Variants in EXOC6 observed in about 807,000 individuals in gnomAD.
EXOC6 encodes the protein exocyst complex component 6, also known as SEC15-like 1.
In EXOC6, 60 loss-of-function variants were observed where a neutral mutation model predicts 112.5. That is an observed-to-expected ratio of 0.53 (90% CI 0.43 to 0.66). The LOEUF is 0.66. Among genes scored for constraint, EXOC6 ranks in the 30% least tolerant of loss-of-function variants. The pLI is 0.00. For missense variants in EXOC6, 855 were observed against 957.1 expected (o/e 0.89, Z 1.41); for synonymous variants, 295 against 308.0 (o/e 0.96, Z 0.44).
chr10:92,907,297 C>T (rs1850496816), intron 5 of EXOC6, among the ~76,000 whole-genome samples: 2 of 152,058 alleles, frequency 1.3e-5, no homozygotes, highest in Non-Finnish European at 2.9e-5. Context: ...CATAACCTTC[C>T]CTCCAGGAAG....
chr10:93,042,416 T>C (rs1373807464), intron 20 of EXOC6, among the ~76,000 whole-genome samples: 1 of 152,252 alleles, frequency 6.6e-6, no homozygotes, highest in East Asian at 1.9e-4. Context: ...TTTCCCTTTA[T>C]ACTTGTGAAC....
At chr10:92,975,913 G>A in intron 18 of EXOC6, among the ~76,000 whole-genome samples, 1 of 142,726 alleles carries the variant, frequency 7.0e-6, no homozygotes, top group African/African-American at 2.6e-5. Context: ...CGTCCGGGAG[G>A]GAGGTGGGGG....
chr10:92,922,665 C>A (rs1189862707), intron 8 of EXOC6, among the ~76,000 whole-genome samples: 6 of 152,116 alleles, frequency 3.9e-5, no homozygotes, highest in Admixed American at 6.5e-5. Context: ...ATGCTGCACA[C>A]AATATTCACA....
chr10:92,830,128 T>G (rs1589660638), upstream of EXOC6, among the ~76,000 whole-genome samples: 1 of 152,206 alleles, frequency 6.6e-6, no homozygotes, highest in Non-Finnish European at 1.5e-5. Context: ...TTCCTTTATT[T>G]GCTTTATAAA....
At chr10:92,893,146 A>G (rs570530493) in intron 1 of EXOC6, among the ~76,000 whole-genome samples, 1 of 152,300 alleles carries the variant, frequency 6.6e-6, no homozygotes, top group South Asian at 2.1e-4. Context: ...ACCTCATGCT[A>G]TATCTAGAGC....
At chr10:92,840,979 C>T (rs1410206497) in intron 1 of EXOC6, among the ~76,000 whole-genome samples, 6 of 152,056 alleles carry the variant, frequency 3.9e-5, no homozygotes, top group African/African-American at 7.2e-5. Context: ...TATAACGTGA[C>T]GTTTCACTGT....
intron 15 of EXOC6, 114 bp downstream of exon 15, chr10:92,952,496 C>T: frequency 1.4e-6 from 1 of 714,552 alleles, no homozygotes; most frequent in Non-Finnish European, 2.4e-6. Flanking sequence ...TCATGGGGTA[C>T]ATGTTTGTTA....
chr10:93,012,191 A>G (rs954250928), intron 19 of EXOC6, among the ~76,000 whole-genome samples: 10 of 152,218 alleles, frequency 6.6e-5, no homozygotes, highest in Non-Finnish European at 1.5e-4. Context: ...CTCTTACTTT[A>G]GACATAATTC....
chr10:92,927,076 T>G (rs1851765388), intron 8 of EXOC6, among the ~76,000 whole-genome samples: 1 of 152,192 alleles, frequency 6.6e-6, no homozygotes, highest in South Asian at 2.1e-4. Flanking sequence ...GTAAAAATAT[T>G]TTCTGCATTT....
At chr10:92,924,006 G>A (rs1364168842) in intron 8 of EXOC6, among the ~76,000 whole-genome samples, 1 of 152,094 alleles carries the variant, frequency 6.6e-6, no homozygotes, top group Non-Finnish European at 1.5e-5. Context: ...ACAAATTTCT[G>A]TTAAGGGTAA....
intron 20 of EXOC6, among the ~76,000 whole-genome samples, chr10:93,021,993 G>A (rs893001238): frequency 6.6e-6 from 1 of 152,012 alleles, no homozygotes; most frequent in Non-Finnish European, 1.5e-5. Context: ...TGATTTTTCC[G>A]GATAGATAGA....
intron 5 of EXOC6, among the ~76,000 whole-genome samples, chr10:92,904,289 A>C (rs1357940717): frequency 1.3e-5 from 2 of 152,034 alleles, no homozygotes; most frequent in African/African-American, 2.4e-5. Context: ...TATGCATGTA[A>C]ATTTTCAATT....
chr10:92,834,702 G>T, upstream of EXOC6: 1 of 1,532,906 alleles, frequency 6.5e-7, no homozygotes, highest in Admixed American at 1.8e-5. Context: ...CTCAATATCT[G>T]ACATCTGCAG....
intron 1 of EXOC6, among the ~76,000 whole-genome samples, chr10:92,886,657 T>G (rs1290129846): frequency 6.6e-6 from 1 of 152,240 alleles, no homozygotes; most frequent in Non-Finnish European, 1.5e-5. Context: ...GACTTCAGAC[T>G]CAATGTCTTA....
At chr10:92,954,998 C>A (rs1312215090) in intron 16 of EXOC6, among the ~76,000 whole-genome samples, 1 of 152,024 alleles carries the variant, frequency 6.6e-6, no homozygotes, top group Non-Finnish European at 1.5e-5. Context: ...TTGAGACCAG[C>A]CTGGGCAATA....
At chr10:92,913,633 ATCT>A (rs1246050061) in intron 6 of EXOC6, among the ~76,000 whole-genome samples, 1 of 152,218 alleles carries the variant, frequency 6.6e-6, no homozygotes, top group Non-Finnish European at 1.5e-5. Flanking sequence ...TGTCTGTGAA[ATCT>A]TCTGCCATCA....
At position 93,056,161 on chromosome 10, in the gene EXOC6, TAA is replaced by T. The variant is rs1423979842; in HGVS notation, c.2170-761_2170-760del. 3.3e-5 allele frequency among the ~76,000 whole-genome samples: 5 copies of T among 152,316 alleles called. No homozygotes were observed. The East Asian group carries it at 7.7e-4, about 23-fold the overall frequency. ...AGGGGATTAGGGTTTTAAAGTTGGA[TAA>T]AGAGTTTGGTGCTTAGGTTTAGGCA... On this transcript the variant is annotated intron_variant, in intron 20 of 21. Transcript: ENST00000260762.
At chr10:92,956,020 A>G (rs2134021332) in intron 17 of EXOC6, among the ~76,000 whole-genome samples, 1 of 152,262 alleles carries the variant, frequency 6.6e-6, no homozygotes, top group East Asian at 1.9e-4. Flanking sequence ...TTAATTCTAT[A>G]TGAGTGTTTA....
chr10:92,880,552 C>T (rs1240548329), intron 1 of EXOC6, among the ~76,000 whole-genome samples: 1 of 152,048 alleles, frequency 6.6e-6, no homozygotes, highest in Non-Finnish European at 1.5e-5. Context: ...ATAGAAGACA[C>T]CTTCAGTTCT....
Sources: allele counts gnomAD v4.1 joint callset (sites outside exome capture counted in the v4.1 genomes callset), GRCh38; gene constraint gnomAD v4.1.1; transcripts MANE v1.5; gene names NCBI Gene and HGNC (gene_info 2026-07-23, HGNC 2026-07-21).